FRMPD3: variants seen among roughly 807,000 people sequenced by gnomAD.
FRMPD3 encodes FERM and PDZ domain-containing protein 3.
In FRMPD3, 42 loss-of-function variants were observed where a neutral mutation model predicts 97.9. The observed-to-expected ratio is 0.43, with a 90% CI of 0.34 to 0.55. The LOEUF is 0.55. Among genes scored for constraint, FRMPD3 ranks in the 20% least tolerant of loss-of-function variants. FRMPD3 has a pLI of 0.03. For missense variants in FRMPD3, 1,303 were observed against 1,457.7 expected (o/e 0.89, Z 1.73); for synonymous variants, 577 against 581.1 (o/e 0.99, Z 0.10).
chrX:107,589,090 T>A lies in FRMPD3; in HGVS notation c.1442-8231T>A, dbSNP rs904935538. ...GCCTACTTCTGTCAATTCGTTCTTA[T>A]CATCCTCCATCCAGTTCTGTGCCCT... On this transcript the variant is annotated intron_variant, in intron 13 of 14. Coordinates refer to ENST00000683843, the MANE Select transcript of FRMPD3 (RefSeq NM_001388459.1). Among the ~76,000 whole-genome samples the A allele has an allele frequency of 5.4e-5, 6 of 111,875 alleles. No individual in the cohort carries two copies. In the South Asian group the frequency reaches 2.3e-3, roughly 42 times the overall value.
intron 7 of FRMPD3, 92 bp from the exon 8 acceptor site, chrX:107,554,293 C>T (rs779813557): frequency 1.0e-6 from 1 of 976,537 alleles, no homozygotes. Context: ...TGCCCCAAGC[C>T]CCACCTTAAA....
chrX:107,539,523 C>G (rs1921192853), intron 4 of FRMPD3, among the ~76,000 whole-genome samples: 1 of 110,835 alleles, frequency 9.0e-6, no homozygotes, highest in South Asian at 3.9e-4. Flanking sequence ...ACCCAGTTTT[C>G]TGGTTCTGAA....
chrX:107,590,040 A>G (rs972726175), intron 13 of FRMPD3, among the ~76,000 whole-genome samples: 3 of 112,207 alleles, frequency 2.7e-5, no homozygotes, highest in African/African-American at 9.7e-5. Context: ...CTGTAGTCCC[A>G]GCTACTCAGG....
Position 107,487,612 on chromosome X carries a change from G to A in FRMPD3, c.-8+37607G>A, listed in dbSNP as rs1025789457. On this transcript the variant is annotated intron_variant, in intron 1 of 14. Coordinates refer to ENST00000683843, the MANE Select transcript of FRMPD3 (RefSeq NM_001388459.1). ...ACCACAGGCTTATTTATGGTTCTCT[G>A]AAAAGAAAGAGTTCCACGGAGACCA... Among the ~76,000 whole-genome samples the A allele has an allele frequency of 7.2e-5, 8 of 111,451 alleles. No individual in the cohort carries two copies. In the East Asian group the frequency reaches 2.0e-3, roughly 28 times the overall value.
At chrX:107,536,179 C>T (rs925795669) in intron 4 of FRMPD3, among the ~76,000 whole-genome samples, 1 of 110,545 alleles carries the variant, frequency 9.0e-6, no homozygotes, top group Non-Finnish European at 1.9e-5. Context: ...TAGAATGAGA[C>T]CTCGTCTCTA....
chrX:107,504,922 T>C (rs750176946), intron 1 of FRMPD3, among the ~76,000 whole-genome samples: 1 of 111,714 alleles, frequency 9.0e-6, no homozygotes, highest in Non-Finnish European at 1.9e-5. Flanking sequence ...TCCATTCACG[T>C]CCCCAAAACA....
intron 1 of FRMPD3, among the ~76,000 whole-genome samples, chrX:107,480,895 G>GGAAGGAAGGAAA (rs1461084039): frequency 1.1e-3 from 64 of 60,593 alleles, no homozygotes; most frequent in East Asian, 2.9e-3. Flanking sequence ...AAGGAAGGAA[G>GGAAGGAAGGAAA]GAAAGAAAGA....
intron 13 of FRMPD3, among the ~76,000 whole-genome samples, chrX:107,579,756 CTG>C (rs1362408112): frequency 2.7e-5 from 3 of 111,163 alleles, no homozygotes; most frequent in Admixed American, 1.9e-4. Context: ...CCTGAGCTCT[CTG>C]TATCCTGGGG....
chrX:107,515,617 T>G (rs1465280307), intron 1 of FRMPD3, among the ~76,000 whole-genome samples: 1 of 111,943 alleles, frequency 8.9e-6, no homozygotes, highest in East Asian at 2.8e-4. Flanking sequence ...TTTTGAGGAA[T>G]TTTGTTGCCC....
intron 1 of FRMPD3, among the ~76,000 whole-genome samples, chrX:107,476,074 G>A (rs1921194502): frequency 9.0e-6 from 1 of 111,453 alleles, no homozygotes; most frequent in South Asian, 3.8e-4. Flanking sequence ...TAGTAGAGAC[G>A]GGTTTTCACC....
rs746465784 is a variant in FRMPD3, at chrX:107,598,150, C to T, written c.2263+8C>T. The T allele has an allele frequency of 1.1e-5, 13 of 1,177,044 alleles. No homozygotes were observed. The highest frequency in any genetic ancestry group is 1.8e-5 in the African/African-American group (1 of 56,579). On this transcript the variant is annotated splice_region_variant and intron_variant, in intron 14 of 14. Transcript: ENST00000683843. Reference sequence around the variant, plus strand: ...CACCCCCACAGACTGCAGGTAATGACCGATTCCTTCTCCCTCTTTCCACCC... The same window carrying T: ...CACCCCCACAGACTGCAGGTAATGATCGATTCCTTCTCCCTCTTTCCACCC...
In FRMPD3 at chrX:107,489,839, T is replaced by G. The variant is rs1211599129; in HGVS notation, c.-7-36743T>G. On this transcript the variant is annotated intron_variant, in intron 1 of 14. Transcript: ENST00000683843. ...TTTGCTGTGCAGAAGCTCTTTAGTT[T>G]AATTAGATCCCATTTGTCAATTTTG... Among the ~76,000 whole-genome samples, 294 of 111,909 alleles carry G rather than the reference T, an allele frequency of 2.6e-3. 4 individuals carry two copies. The highest frequency in any genetic ancestry group is 9.0e-3 in the African/African-American group (278 of 30,809).
chrX:107,477,543 G>A (rs1921233386), intron 1 of FRMPD3, among the ~76,000 whole-genome samples: 2 of 112,707 alleles, frequency 1.8e-5, no homozygotes, highest in South Asian at 3.7e-4. Context: ...CCAAGCTCCC[G>A]GCTAGCATCT....
At chrX:107,549,470 C>T (rs752139666) in intron 5 of FRMPD3, among the ~76,000 whole-genome samples, 1 of 111,342 alleles carries the variant, frequency 9.0e-6, no homozygotes, top group Non-Finnish European at 1.9e-5. Flanking sequence ...AATGAAGAAT[C>T]ATCAGAGGTA....
chrX:107,455,155 A>G (rs1038370837), intron 1 of FRMPD3, among the ~76,000 whole-genome samples: 1 of 111,384 alleles, frequency 9.0e-6, no homozygotes, highest in Admixed American at 9.5e-5. Flanking sequence ...CCATATCACT[A>G]TACCTATCCT....
intron 1 of FRMPD3, among the ~76,000 whole-genome samples, chrX:107,463,563 T>C (rs1243057565): frequency 4.4e-5 from 5 of 112,452 alleles, no homozygotes; most frequent in Non-Finnish European, 9.4e-5. Context: ...TCAATAAATG[T>C]TAGCAATTGT....
intron 12 of FRMPD3, among the ~76,000 whole-genome samples, chrX:107,571,712 C>T (rs1451479151): frequency 1.8e-5 from 2 of 112,385 alleles, no homozygotes; most frequent in Admixed American, 9.4e-5. Context: ...GGCAGCTCAG[C>T]GGTCAGAATG....
chrX:107,552,836 C>G lies in FRMPD3; in HGVS notation c.552C>G (p.Phe184Leu). Reference sequence around the variant, plus strand: ...TACAGGACCGCCTTTCCCTGAGGTTCATTGAGCACTTTGCTCTTGTCCTTG... The same window carrying G: ...TACAGGACCGCCTTTCCCTGAGGTTGATTGAGCACTTTGCTCTTGTCCTTG... ...LTLQDRLSLR[F>L]IEHFALVLEY... Residue 184 changes from phenylalanine (F) to leucine (L), a missense_variant, in exon 7 of 15, where the codon TTC becomes TTG. This residue lies in a region of FRMPD3 where 535 missense variants were observed against 618.6 expected (regional missense o/e 0.86). Transcript: ENST00000683843. 8.3e-7 allele frequency: 1 copy of G among 1,210,126 alleles called. No individual in the cohort carries two copies. The highest frequency in any genetic ancestry group is 1.1e-6 in the Non-Finnish European group (1 of 894,828).
At chrX:107,572,739 A>C (rs1189703895) in intron 12 of FRMPD3, among the ~76,000 whole-genome samples, 1 of 108,071 alleles carries the variant, frequency 9.3e-6, no homozygotes, top group Non-Finnish European at 1.9e-5. Flanking sequence ...CTCTGTCTCA[A>C]AAAAAAAATA....
Sources: allele counts gnomAD v4.1 joint callset (sites outside exome capture counted in the v4.1 genomes callset), GRCh38; gene constraint gnomAD v4.1.1; regional missense constraint gnomAD v4.1.1; transcripts MANE v1.5; gene names NCBI Gene and HGNC (gene_info 2026-07-23, HGNC 2026-07-21).